Variants in UBR1 observed in about 807,000 individuals in gnomAD.
The protein encoded by UBR1 is ubiquitin protein ligase E3 component n-recognin 1, also known as E3 ubiquitin-protein ligase UBR1.
In UBR1, 102 loss-of-function variants were observed where a neutral mutation model predicts 242.1. That is an observed-to-expected ratio of 0.42 (90% CI 0.36 to 0.50). The LOEUF (loss-of-function observed/expected upper bound fraction) is 0.50, where lower values mean the gene tolerates loss of function less well. UBR1 is among the 20% of genes least tolerant of loss of function. The pLI is 0.01. For missense variants in UBR1, 1,772 were observed against 2,101.8 expected, an observed-to-expected ratio of 0.84 and a Z score of 3.07; for synonymous variants, 675 against 684.8, an observed-to-expected ratio of 0.99 and a Z score of 0.22.
At chr15:43,019,652 G>A (rs1397412765) in intron 27 of UBR1, among the ~76,000 whole-genome samples, 4 of 145,772 alleles carry the variant, frequency 2.7e-5, no homozygotes, top group African/African-American at 2.6e-5. Flanking sequence ...GTGCGATCTC[G>A]GCTCACTGCA....
chr15:43,091,961 C>CTG (rs1450083917), intron 1 of UBR1: 1 of 441,448 alleles, frequency 2.3e-6, no homozygotes, highest in Non-Finnish European at 4.5e-6. Flanking sequence ...TGGCACATAC[C>CTG]TGTGGTCCCA....
intron 34 of UBR1, among the ~76,000 whole-genome samples, chr15:42,989,763 T>C (rs913781310): frequency 1.3e-5 from 2 of 152,196 alleles, no homozygotes; most frequent in African/African-American, 4.8e-5. Context: ...ATTGGCATTT[T>C]TGGTCCTCTT....
At chr15:43,038,285 CTAGT>C in intron 15 of UBR1, 53 bp from the exon 16 acceptor site, 1 of 1,547,838 alleles carries the variant, frequency 6.5e-7, no homozygotes, top group Non-Finnish European at 8.9e-7. Flanking sequence ...AATTTGTTAA[CTAGT>C]TAACTCATCA....
intron 27 of UBR1, among the ~76,000 whole-genome samples, chr15:43,018,273 C>A (rs1174127632): frequency 1.3e-5 from 2 of 152,268 alleles, no homozygotes; most frequent in East Asian, 1.9e-4. Context: ...AGTGCTGGGA[C>A]TACAGGCATG....
chr15:42,952,467 A>G lies in UBR1; in HGVS notation c.4836-19T>C. 3 of 1,614,020 alleles carry G rather than the reference A, an allele frequency of 1.9e-6. No individual in the cohort carries two copies. In the South Asian group the frequency reaches 3.3e-5, roughly 18 times the overall value. ...TGGGCACCTCAAAAGAGAAGAAAACATTTAGAGAATGATGGAAAAACAAAA... is the reference window on the plus strand; with the variant it reads ...TGGGCACCTCAAAAGAGAAGAAAACGTTTAGAGAATGATGGAAAAACAAAA... On this transcript the variant is annotated intron_variant, in intron 44 of 46. Transcript: ENST00000290650.
At position 43,059,736 on chromosome 15, in the gene UBR1, A is replaced by C; in HGVS notation, c.951T>G (p.Leu317=). 1 of 1,614,202 alleles carries C rather than the reference A, an allele frequency of 6.2e-7. No homozygotes were observed. Among genetic ancestry groups the C allele is most frequent in the Non-Finnish European group, 8.5e-7 (1 of 1,180,032 alleles). Residue 317 remains leucine (L), a synonymous_variant, in exon 8 of 47, where the codon CTT becomes CTG. Transcript: ENST00000290650. The part of the protein sequence containing the change: ...IMAHQKFALR[L]GSWMNKIMSY... ...TCATAATTTTGTTCATCCAGGAACC[A>C]AGACGCAAAGCAAATTTCTGATGAG...
intron 36 of UBR1, 24 bp from the exon 37 acceptor site, chr15:42,984,017 A>G (rs769874442): frequency 6.3e-7 from 1 of 1,592,758 alleles, no homozygotes; most frequent in Admixed American, 1.7e-5. Flanking sequence ...GAGAAGGAAG[A>G]TAAAAAGATG....
At chr15:43,058,521 T>C (rs1036959804) in intron 9 of UBR1, 92 bp from the exon 10 acceptor site, 19 of 793,834 alleles carry the variant, frequency 2.4e-5, no homozygotes, top group Non-Finnish European at 3.9e-5. Flanking sequence ...CAGAATATTA[T>C]AAAATTACTT....
intron 1 of UBR1, among the ~76,000 whole-genome samples, chr15:43,092,656 C>T (rs981758781): frequency 2.6e-5 from 4 of 152,070 alleles, no homozygotes; most frequent in Admixed American, 1.3e-4. Flanking sequence ...TGGGTTCAAG[C>T]GATTCTCCTG....
chr15:43,008,022 CA>C (rs1334545915), intron 29 of UBR1, among the ~76,000 whole-genome samples: 2 of 152,216 alleles, frequency 1.3e-5, no homozygotes, highest in African/African-American at 4.8e-5. Context: ...TAAATAATAG[CA>C]AATATTTGTA....
Position 43,059,601 on chromosome 15 carries a change from AAAAG to A in UBR1, c.985+97_985+100del, listed in dbSNP as rs770035678. 13,850 of 1,364,322 alleles carry A rather than the reference AAAAG, an allele frequency of 0.01. 182 individuals carry two copies. Among genetic ancestry groups the A allele is most frequent in the African/African-American group, 0.055 (3,706 of 66,908 alleles). 84.5% of individuals were successfully genotyped at this position (1,364,322 alleles called of 1,614,324 possible). A position where few individuals can be genotyped will look rare whatever the true frequency, so the allele number is the denominator to read the frequency against. On this transcript the variant is annotated intron_variant, in intron 8 of 46. Coordinates refer to ENST00000290650, the MANE Select transcript of UBR1 (RefSeq NM_174916.3). Reference sequence around the variant, plus strand: ...AAGTGTATAAACCAAAAAAAAAAAAAAAAGAAAAACTTTATTTCATACTCAATGA... The same window carrying A: ...AAGTGTATAAACCAAAAAAAAAAAAAAAAAACTTTATTTCATACTCAATGA...
chr15:42,983,840 A>G, intron 37 of UBR1, 57 bp downstream of exon 37: 1 of 1,068,356 alleles, frequency 9.4e-7, no homozygotes, highest in Non-Finnish European at 1.3e-6. Context: ...CAGAAATGCA[A>G]TAGAAAAAGA....
chr15:42,994,717 G>A (rs2032609612), intron 33 of UBR1, among the ~76,000 whole-genome samples: 1 of 151,992 alleles, frequency 6.6e-6, no homozygotes, highest in African/African-American at 2.4e-5. Flanking sequence ...CAATCTCTTG[G>A]CTGTTTCTTT....
In UBR1 at chr15:42,990,120, C is replaced by T. The variant is rs1567117427; in HGVS notation, c.3758G>A (p.Gly1253Glu). The stretch of plus-strand genomic sequence containing the variant: ...AAAGAAAATAGGAATTGGGTTTTCT[C>T]CTTATAAATTAAAAGGAAAAAGAAA... ...ISGYNIRHAK[G>E]ENPIPIFFNQ... Residue 1253 changes from glycine to glutamate, a missense_variant and splice_region_variant, in exon 34 of 47, where the codon GGA becomes GAA. Around this residue, in one of 3 missense-constraint regions of UBR1, gnomAD observed 965 missense variants for 1,079.7 expected, o/e 0.89. Coordinates refer to ENST00000290650, the MANE Select transcript of UBR1 (RefSeq NM_174916.3). 2 of 1,580,114 alleles carry T rather than the reference C, an allele frequency of 1.3e-6. No individual in the cohort carries two copies. The highest frequency in any genetic ancestry group is 1.7e-6 in the Non-Finnish European group (2 of 1,157,542).
At chr15:42,960,517 A>C in intron 43 of UBR1, 128 bp downstream of exon 43, 1 of 964,082 alleles carries the variant, frequency 1.0e-6, no homozygotes, top group Non-Finnish European at 1.6e-6. Flanking sequence ...CAAAGACCTA[A>C]CAGAAATCAG....
At chr15:43,082,578 T>G in intron 3 of UBR1, 60 bp downstream of exon 3, 1 of 1,346,204 alleles carries the variant, frequency 7.4e-7, no homozygotes, top group South Asian at 1.2e-5. Context: ...TACTCAAGAA[T>G]TTGGACTAGA....
intron 29 of UBR1, among the ~76,000 whole-genome samples, chr15:43,008,320 C>T (rs995135583): frequency 1.3e-5 from 2 of 152,280 alleles, no homozygotes; most frequent in African/African-American, 2.4e-5. Context: ...TCTCCGCACT[C>T]CCAATGCCCG....
chr15:43,079,331 T>C (rs2033946528), intron 3 of UBR1, among the ~76,000 whole-genome samples: 1 of 152,038 alleles, frequency 6.6e-6, no homozygotes, highest in Non-Finnish European at 1.5e-5. Flanking sequence ...TAAATTAAAA[T>C]GTAAAAACAA....
chr15:42,950,927 G>A (rs1253028663), intron 45 of UBR1, among the ~76,000 whole-genome samples: 2 of 152,136 alleles, frequency 1.3e-5, no homozygotes, highest in African/African-American at 2.4e-5. Context: ...CATATATGGG[G>A]GATAAGTACT....
Sources: gnomAD v4.1 joint callset for allele counts (sites outside exome capture counted in the v4.1 genomes callset) on GRCh38, gnomAD v4.1.1 for gene constraint, gnomAD v4.1.1 regional missense constraint, MANE v1.5 for transcripts, NCBI Gene and HGNC (gene_info 2026-07-23, HGNC 2026-07-21) for gene names.